Variants in FRMD4A observed in about 807,000 individuals in gnomAD.
FRMD4A encodes FERM domain containing 4A.
Under a neutral mutation model 129.1 loss-of-function variants are expected in FRMD4A, and 29 were observed. That is an observed-to-expected ratio of 0.22 (90% CI 0.17 to 0.31). FRMD4A has a LOEUF of 0.31. FRMD4A is among the 10% of genes least tolerant of loss of function. The probability of loss-of-function intolerance (pLI) is 1.00; values close to 1 mark genes in which losing one functional copy is unlikely to be tolerated. For missense variants in FRMD4A, 1,272 were observed against 1,375.8 expected (o/e 0.92, Z 1.19); for synonymous variants, 634 against 571.6 (o/e 1.11, Z -1.56).
chr10:14,127,976 TTCCTTCTC>T (rs1257426562), intron 2 of FRMD4A, among the ~76,000 whole-genome samples: 262 of 22,282 alleles, frequency 0.012, 23 homozygotes, highest in African/African-American at 0.041. Context: ...CTTTCTTTCT[TTCCTTCTC>T]TCTCTCTCTC....
chr10:13,705,855 T>C (rs190414841), intron 13 of FRMD4A, among the ~76,000 whole-genome samples: 3 of 152,340 alleles, frequency 2.0e-5, no homozygotes, highest in Admixed American at 2.0e-4. Context: ...ATTCCTGTAG[T>C]AACCGTGGTG....
intron 2 of FRMD4A, among the ~76,000 whole-genome samples, chr10:13,968,708 C>T (rs2095500028): frequency 6.6e-6 from 1 of 152,232 alleles, no homozygotes; most frequent in Non-Finnish European, 1.5e-5. Context: ...CCCACCTTGG[C>T]CTCCCAAAGT....
chr10:13,653,678 T>G (rs1224215907), intron 23 of FRMD4A: 1 of 152,216 alleles, frequency 6.6e-6, no homozygotes, highest in Non-Finnish European at 1.5e-5. Context: ...AACCAACAGA[T>G]GAGATGTTGA....
intron 2 of FRMD4A, among the ~76,000 whole-genome samples, chr10:13,985,229 C>G (rs1247524458): frequency 6.6e-6 from 1 of 152,246 alleles, no homozygotes; most frequent in Non-Finnish European, 1.5e-5. Flanking sequence ...CCCTAGGCCC[C>G]AGCCTCGCCC....
At chr10:13,926,645 A>G (rs993963894) in intron 2 of FRMD4A, among the ~76,000 whole-genome samples, 17 of 152,206 alleles carry the variant, frequency 1.1e-4, no homozygotes, top group African/African-American at 4.1e-4. Context: ...GATTGTAGTA[A>G]GACAGGACAT....
intron 2 of FRMD4A, among the ~76,000 whole-genome samples, chr10:14,318,873 T>C (rs1846857712): frequency 6.6e-6 from 1 of 152,198 alleles, no homozygotes; most frequent in Non-Finnish European, 1.5e-5. Flanking sequence ...AATGACTTGT[T>C]TGTAACCAAG....
chr10:14,099,394 CT>C (rs1274341055), intron 2 of FRMD4A, among the ~76,000 whole-genome samples: 1 of 152,208 alleles, frequency 6.6e-6, no homozygotes, highest in Non-Finnish European at 1.5e-5. Context: ...ATAGCTATGA[CT>C]TCTCAAACAC....
intron 2 of FRMD4A, among the ~76,000 whole-genome samples, chr10:14,023,261 G>A (rs1832843101): frequency 6.6e-6 from 1 of 152,204 alleles, no homozygotes; most frequent in East Asian, 1.9e-4. Flanking sequence ...CCCAGCCCTG[G>A]GAAGGGCGAT....
chr10:14,151,626 AT>A (rs1447718096), intron 2 of FRMD4A, among the ~76,000 whole-genome samples: 1 of 152,142 alleles, frequency 6.6e-6, no homozygotes, highest in Non-Finnish European at 1.5e-5. Context: ...AAGCAAGGAC[AT>A]GTACCCTCTA....
At chr10:13,658,132 T>TAAAAAAAA (rs565374030) in intron 21 of FRMD4A, among the ~76,000 whole-genome samples, 9 of 81,238 alleles carry the variant, frequency 1.1e-4, no homozygotes, top group Non-Finnish European at 2.2e-4. Flanking sequence ...CTGTCTCTCT[T>TAAAAAAAA]AAAAAAAAAA....
chr10:14,294,217 T>A (rs546868755), intron 2 of FRMD4A, among the ~76,000 whole-genome samples: 8 of 152,344 alleles, frequency 5.3e-5, no homozygotes, highest in Admixed American at 4.6e-4. Context: ...AGCCATATGT[T>A]TGATATATTA....
chr10:13,956,799 A>G (rs1282686335), intron 2 of FRMD4A, among the ~76,000 whole-genome samples: 1 of 152,258 alleles, frequency 6.6e-6, no homozygotes, highest in Non-Finnish European at 1.5e-5. Context: ...TTAAGATTTC[A>G]TAAAACAGCA....
intron 2 of FRMD4A, among the ~76,000 whole-genome samples, chr10:13,963,183 C>T (rs1177418768): frequency 1.3e-5 from 2 of 151,598 alleles, no homozygotes; most frequent in Admixed American, 6.6e-5. Flanking sequence ...TTAATGAATG[C>T]CTGAAAAAAA....
intron 3 of FRMD4A, among the ~76,000 whole-genome samples, chr10:13,837,358 T>G (rs1162308797): frequency 6.6e-6 from 1 of 152,198 alleles, no homozygotes; most frequent in Non-Finnish European, 1.5e-5. Context: ...TCAGGGGCCC[T>G]GACACTTGGA....
chr10:14,264,673 T>C (rs971975459), intron 2 of FRMD4A, among the ~76,000 whole-genome samples: 2 of 152,250 alleles, frequency 1.3e-5, no homozygotes, highest in African/African-American at 4.8e-5. Flanking sequence ...TCTATTGTTT[T>C]AAAATTCCCT....
intron 6 of FRMD4A, among the ~76,000 whole-genome samples, chr10:13,771,880 G>A (rs1355339499): frequency 6.6e-6 from 1 of 151,980 alleles, no homozygotes; most frequent in East Asian, 1.9e-4. Flanking sequence ...TGGAGTTCAA[G>A]ACCAGCCTGG....
chr10:13,773,846 G>T (rs975849223), intron 6 of FRMD4A, among the ~76,000 whole-genome samples: 1 of 152,240 alleles, frequency 6.6e-6, no homozygotes, highest in Admixed American at 6.5e-5. Context: ...TGCAGGGGCT[G>T]ATGGATGGGC....
chr10:14,179,077 T>C (rs980382903), intron 2 of FRMD4A, among the ~76,000 whole-genome samples: 2 of 152,336 alleles, frequency 1.3e-5, no homozygotes, highest in African/African-American at 4.8e-5. Context: ...TCACAAAGGC[T>C]GTTGGGTAGG....
At chr10:13,853,840 A>C (rs1478436549) in intron 3 of FRMD4A, among the ~76,000 whole-genome samples, 2 of 151,424 alleles carry the variant, frequency 1.3e-5, no homozygotes, top group African/African-American at 4.9e-5. Flanking sequence ...AAAAAAAAAA[A>C]AAAAAAAAAA....
Sources: allele counts gnomAD v4.1 joint callset (sites outside exome capture counted in the v4.1 genomes callset), GRCh38; gene constraint gnomAD v4.1.1; transcripts MANE v1.5; gene names NCBI Gene and HGNC (gene_info 2026-07-23, HGNC 2026-07-21).